SLC2A13: variants seen among roughly 807,000 people sequenced by gnomAD.
The protein encoded by SLC2A13 is solute carrier family 2 member 13.
Under a neutral mutation model 64.4 loss-of-function variants are expected in SLC2A13, and 32 were observed. That is an observed-to-expected ratio of 0.50 (90% CI 0.37 to 0.67). SLC2A13 has a LOEUF of 0.67. SLC2A13 is among the 30% of genes least tolerant of loss of function. SLC2A13 has a pLI of 0.00. For synonymous variants in SLC2A13, 338 were observed against 327.1 expected (o/e 1.03, Z -0.36); for missense variants, 743 against 829.2 (o/e 0.90, Z 1.28).
intron 2 of SLC2A13, among the ~76,000 whole-genome samples, chr12:40,037,381 G>T (rs1288835337): frequency 6.6e-6 from 1 of 152,068 alleles, no homozygotes; most frequent in Admixed American, 6.6e-5. Context: ...CAATTTGGTA[G>T]GCTGCAGTGG....
intron 4 of SLC2A13, among the ~76,000 whole-genome samples, chr12:39,943,456 A>G (rs1051135095): frequency 7.2e-5 from 11 of 152,142 alleles, no homozygotes; most frequent in African/African-American, 2.7e-4. Context: ...CCCTGCCCAG[A>G]GAGAAGGAAT....
At chr12:39,796,059 C>T (rs1438672928) in intron 7 of SLC2A13, among the ~76,000 whole-genome samples, 6 of 152,154 alleles carry the variant, frequency 3.9e-5, no homozygotes, top group African/African-American at 9.7e-5. Flanking sequence ...CCCCCAGCCT[C>T]TGGCAACTAC....
At chr12:39,828,583 G>A (rs914435538) in intron 7 of SLC2A13, among the ~76,000 whole-genome samples, 1 of 152,010 alleles carries the variant, frequency 6.6e-6, no homozygotes, top group African/African-American at 2.4e-5. Context: ...TAATTTTAGT[G>A]TCTCTTTACT....
At chr12:39,776,457 T>TG (rs1396279974) in intron 7 of SLC2A13, among the ~76,000 whole-genome samples, 1 of 152,106 alleles carries the variant, frequency 6.6e-6, no homozygotes, top group Non-Finnish European at 1.5e-5. Flanking sequence ...AAGGGGTGGG[T>TG]GCTGTATACC....
chr12:39,816,213 G>T (rs888581754), intron 7 of SLC2A13, among the ~76,000 whole-genome samples: 9 of 152,056 alleles, frequency 5.9e-5, no homozygotes, highest in African/African-American at 1.9e-4. Flanking sequence ...ATTAGCACAG[G>T]TACTGATGTG....
At chr12:39,835,966 A>G (rs1229700778) in intron 6 of SLC2A13, among the ~76,000 whole-genome samples, 1 of 152,132 alleles carries the variant, frequency 6.6e-6, no homozygotes, top group Admixed American at 6.6e-5. Context: ...AGCCACAAAT[A>G]TTTGATTAAC....
chr12:39,938,051 C>A (rs11174374), intron 4 of SLC2A13, among the ~76,000 whole-genome samples: 1 of 151,946 alleles, frequency 6.6e-6, no homozygotes, highest in Non-Finnish European at 1.5e-5. Context: ...CCTGTATCGA[C>A]GGGTAGAGGG....
chr12:39,963,309 C>T (rs530105188), intron 3 of SLC2A13, among the ~76,000 whole-genome samples: 4 of 136,696 alleles, frequency 2.9e-5, no homozygotes, highest in African/African-American at 1.0e-4. Flanking sequence ...AAAAAAATAG[C>T]CAATAAATTG....
At position 39,756,022 on chromosome 12, in the gene SLC2A13, C is replaced by G. The variant is rs1313108081; in HGVS notation, c.*4004G>C. ...ATGATTGCTATTTCTAGAAAAATAG[C>G]AGCAGTATTGCTCACCTAGAAGAGC... On this transcript the variant is annotated 3_prime_UTR_variant, in exon 10 of 10. Coordinates refer to ENST00000280871, the MANE Select transcript of SLC2A13 (RefSeq NM_052885.4). The G allele has an allele frequency of 1.3e-5, 2 of 151,938 alleles. No individual in the cohort carries two copies. Among genetic ancestry groups the G allele is most frequent in the Non-Finnish European group, 2.9e-5 (2 of 67,806 alleles). 9.4% of individuals were successfully genotyped at this position (151,938 alleles called of 1,614,324 possible).
intron 4 of SLC2A13, among the ~76,000 whole-genome samples, chr12:39,919,226 G>A (rs61933469): frequency 0.072 from 10,963 of 152,084 alleles, 551 homozygotes; most frequent in South Asian, 0.14. Flanking sequence ...ACTGTGCTCG[G>A]CCGATTATAA....
intron 6 of SLC2A13, among the ~76,000 whole-genome samples, chr12:39,855,746 C>G (rs1943591693): frequency 6.6e-6 from 1 of 152,292 alleles, no homozygotes. Flanking sequence ...AGACTTTCAG[C>G]TACTAAAACC....
At chr12:39,838,519 A>G (rs1159931970) in intron 6 of SLC2A13, among the ~76,000 whole-genome samples, 10 of 133,854 alleles carry the variant, frequency 7.5e-5, no homozygotes, top group Non-Finnish European at 3.3e-5. Flanking sequence ...AAAAAAAAAA[A>G]AGAAAGGGAG....
chr12:39,761,208 C>T (rs1478841141), intron 9 of SLC2A13, among the ~76,000 whole-genome samples: 1 of 151,668 alleles, frequency 6.6e-6, no homozygotes, highest in African/African-American at 2.4e-5. Flanking sequence ...TCTGGATAGT[C>T]ATTTAACCTC....
At chr12:40,080,301 C>A (rs907575491) in intron 1 of SLC2A13, among the ~76,000 whole-genome samples, 8 of 152,190 alleles carry the variant, frequency 5.3e-5, no homozygotes, top group Non-Finnish European at 8.8e-5. Flanking sequence ...TTCAGATGGT[C>A]TCCTGAAGGT....
chr12:40,089,418 A>T (rs1938689398), intron 1 of SLC2A13, among the ~76,000 whole-genome samples: 1 of 152,226 alleles, frequency 6.6e-6, no homozygotes. Flanking sequence ...TGCAATCTTG[A>T]GGATCTCAGA....
At chr12:39,854,865 G>C (rs560310398) in intron 6 of SLC2A13, among the ~76,000 whole-genome samples, 1 of 152,186 alleles carries the variant, frequency 6.6e-6, no homozygotes, top group East Asian at 1.9e-4. Context: ...TGCCTGGGTG[G>C]CTTCTCCATT....
intron 6 of SLC2A13, among the ~76,000 whole-genome samples, chr12:39,843,226 C>T (rs1163963675): frequency 3.9e-5 from 6 of 151,946 alleles, no homozygotes; most frequent in African/African-American, 9.7e-5. Flanking sequence ...CACACTTTTT[C>T]GTACTTGATC....
At chr12:40,044,068 T>C (rs1243028425) in intron 2 of SLC2A13, among the ~76,000 whole-genome samples, 3 of 152,192 alleles carry the variant, frequency 2.0e-5, no homozygotes, top group African/African-American at 7.2e-5. Context: ...ATTATTTATA[T>C]AGCCCCAAAA....
chr12:39,776,588 A>G (rs999458141), intron 7 of SLC2A13, among the ~76,000 whole-genome samples: 1 of 152,236 alleles, frequency 6.6e-6, no homozygotes, highest in Non-Finnish European at 1.5e-5. Flanking sequence ...GCCATACTGC[A>G]ATAGAAGCCA....
Sources: allele counts gnomAD v4.1 joint callset (sites outside exome capture counted in the v4.1 genomes callset), GRCh38; gene constraint gnomAD v4.1.1; transcripts MANE v1.5; gene names NCBI Gene and HGNC (gene_info 2026-07-23, HGNC 2026-07-21).